The following TMTC1 variants were observed in gnomAD, a reference collection of about 807,000 sequenced individuals.
TMTC1 encodes the protein transmembrane O-mannosyltransferase targeting cadherins 1, also known as protein O-mannosyl-transferase TMTC1.
In TMTC1, 73 loss-of-function variants were observed where a neutral mutation model predicts 104.8. The observed-to-expected ratio is 0.70, with a 90% confidence interval of 0.58 to 0.85. The LOEUF (loss-of-function observed/expected upper bound fraction) is 0.85, where lower values mean the gene tolerates loss of function less well. TMTC1 is among the 40% of genes least tolerant of loss of function. TMTC1 has a pLI of 0.00. For synonymous variants in TMTC1, 434 were observed against 428.7 expected (o/e 1.01, Z -0.15); for missense variants, 1,035 against 1,096.1 (o/e 0.94, Z 0.79).
chr12:29,651,860 G>C (rs948066197), intron 5 of TMTC1, among the ~76,000 whole-genome samples: 1 of 151,192 alleles, frequency 6.6e-6, no homozygotes, highest in Admixed American at 6.6e-5. Context: ...CAAAAAAGGA[G>C]AGAGGTAGGG....
chr12:29,679,723 AAAG>A (rs1346222893), intron 5 of TMTC1, among the ~76,000 whole-genome samples: 3 of 152,160 alleles, frequency 2.0e-5, no homozygotes, highest in Admixed American at 6.5e-5. Flanking sequence ...AGAAAGAGGA[AAAG>A]AAGGAGAAAA....
chr12:29,595,583 T>C (rs2136370134), intron 7 of TMTC1, among the ~76,000 whole-genome samples: 1 of 152,274 alleles, frequency 6.6e-6, no homozygotes, highest in Non-Finnish European at 1.5e-5. Context: ...CAAGAGCAGC[T>C]CTCTCTGGAT....
Position 29,783,352 on chromosome 12 carries a change from T to C in TMTC1, c.302+98A>G. 1 of 1,113,282 alleles carries C rather than the reference T, an allele frequency of 9.0e-7. No homozygotes were observed. The highest frequency in any genetic ancestry group is 1.1e-6 in the Non-Finnish European group (1 of 875,674). The allele number at this position is 1,113,282 out of a possible 1,614,324, so 69.0% of individuals were successfully genotyped here. On this transcript the variant is annotated intron_variant, in intron 1 of 17. Transcript: ENST00000539277. This position sits in a 1 kb window ranked among gnomAD's most constrained non-coding sequence, Gnocchi z 4.7. Reference sequence around the variant, plus strand: ...GCGTGGAGGGAAAGGGCGGCAAAAATGAAATGCCCCCAAGTCAGTCCCGCA... The same window carrying C: ...GCGTGGAGGGAAAGGGCGGCAAAAACGAAATGCCCCCAAGTCAGTCCCGCA...
In TMTC1 at chr12:29,737,988, CTTA is replaced by C. The variant is rs1391058885; in HGVS notation, c.938+13675_938+13677del. On this transcript the variant is annotated intron_variant, in intron 5 of 17. Transcript: ENST00000539277. ...CACCACAGATTTACTGAACAGGCAA[CTTA>C]TTATCCACTCCCTTTCTTCTCCAAC... Among the ~76,000 whole-genome samples the C allele has an allele frequency of 2.0e-5, 3 of 152,218 alleles. No individual in the cohort carries two copies. In the East Asian group the frequency reaches 5.8e-4, roughly 29 times the overall value.
intron 8 of TMTC1, among the ~76,000 whole-genome samples, chr12:29,576,537 A>G (rs1328624485): frequency 6.6e-6 from 1 of 152,228 alleles, no homozygotes; most frequent in East Asian, 1.9e-4. Context: ...AGAAAGAAAA[A>G]TACTGCATGA....
intron 6 of TMTC1, among the ~76,000 whole-genome samples, chr12:29,610,171 C>T (rs934704713): frequency 4.6e-5 from 7 of 152,238 alleles, no homozygotes; most frequent in South Asian, 2.1e-4. Flanking sequence ...AGTGAAAACA[C>T]GGGGACAGGG....
At chr12:29,710,860 T>C (rs1453697699) in intron 5 of TMTC1, among the ~76,000 whole-genome samples, 1 of 136,590 alleles carries the variant, frequency 7.3e-6, no homozygotes, top group African/African-American at 2.8e-5. Context: ...TATAAATATA[T>C]TAATTATATT....
intron 5 of TMTC1, among the ~76,000 whole-genome samples, chr12:29,675,359 C>G (rs1940684022): frequency 1.3e-5 from 2 of 152,278 alleles, no homozygotes; most frequent in East Asian, 3.9e-4. Flanking sequence ...ATACATGAAG[C>G]TGGATTTTCA....
At chr12:29,690,155 C>T (rs1209066238) in intron 5 of TMTC1, among the ~76,000 whole-genome samples, 1 of 152,154 alleles carries the variant, frequency 6.6e-6, no homozygotes, top group East Asian at 1.9e-4. Context: ...CATCCCAGAG[C>T]CTTTTGGAGA....
At chr12:29,660,776 GTATATATATATA>G in intron 5 of TMTC1, 1 of 703,758 alleles carries the variant, frequency 1.4e-6, no homozygotes, top group East Asian at 4.2e-5. Flanking sequence ...TATTTCAAAA[GTATATATATATA>G]TATATATATA....
intron 5 of TMTC1, among the ~76,000 whole-genome samples, chr12:29,679,960 C>A (rs1940858953): frequency 6.6e-6 from 1 of 152,062 alleles, no homozygotes; most frequent in Non-Finnish European, 1.5e-5. Context: ...ATACCTAGTA[C>A]TATATAACTT....
intron 6 of TMTC1, among the ~76,000 whole-genome samples, chr12:29,606,085 A>G (rs1339953525): frequency 6.6e-6 from 1 of 152,178 alleles, no homozygotes; most frequent in Non-Finnish European, 1.5e-5. Flanking sequence ...GTGTATATGT[A>G]CTACAATTTC....
At chr12:29,727,654 G>A (rs12821781) in intron 5 of TMTC1, among the ~76,000 whole-genome samples, 21,104 of 152,192 alleles carry the variant, frequency 0.14, 1,519 homozygotes, top group Middle Eastern at 0.16. Context: ...GGAATTACAG[G>A]CGTGAGCCAC....
At chr12:29,698,510 C>T (rs538958051) in intron 5 of TMTC1, among the ~76,000 whole-genome samples, 5 of 152,170 alleles carry the variant, frequency 3.3e-5, no homozygotes, top group African/African-American at 9.7e-5. Context: ...TGTGTCCCAT[C>T]GTATCTACTC....
chr12:29,731,950 A>T (rs1330170124), intron 5 of TMTC1, among the ~76,000 whole-genome samples: 1 of 152,180 alleles, frequency 6.6e-6, no homozygotes, highest in Non-Finnish European at 1.5e-5. Context: ...CCATTCCTAT[A>T]AACAAAGATA....
chr12:29,512,034 T>C lies in TMTC1; in HGVS notation c.2508+9A>G. On this transcript the variant is annotated intron_variant, in intron 17 of 17. Transcript: ENST00000539277. ...GCCCGGTCCACATGGGAGTGAATTATTCTCCTACCTTGATGTGTTGGATGC... is the reference window on the plus strand; with the variant it reads ...GCCCGGTCCACATGGGAGTGAATTACTCTCCTACCTTGATGTGTTGGATGC... 6.2e-7 allele frequency: 1 copy of C among 1,613,918 alleles called. No homozygotes were observed. Among genetic ancestry groups the C allele is most frequent in the Non-Finnish European group, 8.5e-7 (1 of 1,179,788 alleles).
intron 5 of TMTC1, among the ~76,000 whole-genome samples, chr12:29,663,151 C>T (rs1009426862): frequency 2.0e-5 from 3 of 152,172 alleles, no homozygotes; most frequent in African/African-American, 4.8e-5. Context: ...CTGGGTTCTT[C>T]GTTGCCTAAA....
chr12:29,671,336 G>T (rs111647343), intron 5 of TMTC1, among the ~76,000 whole-genome samples: 3,469 of 86,940 alleles, frequency 0.04, 83 homozygotes, highest in Admixed American at 0.11. Context: ...ATAAATAAAA[G>T]AAATAAACAA....
intron 10 of TMTC1, among the ~76,000 whole-genome samples, chr12:29,546,354 G>A (rs1944941514): frequency 6.6e-6 from 1 of 152,158 alleles, no homozygotes. Context: ...CAAGAGGCAA[G>A]GCATGAAAAC....
Sources: allele counts gnomAD v4.1 joint callset (sites outside exome capture counted in the v4.1 genomes callset), GRCh38; gene constraint gnomAD v4.1.1; non-coding constraint Gnocchi (gnomAD v3.1); transcripts MANE v1.5; gene names NCBI Gene and HGNC (gene_info 2026-07-23, HGNC 2026-07-21).